RPS6KL1: variants seen among roughly 807,000 people sequenced by gnomAD.
RPS6KL1 encodes the protein ribosomal protein S6 kinase-like 1.
Under a neutral mutation model 57.0 loss-of-function variants are expected in RPS6KL1, and 41 were observed. The ratio of observed to expected loss-of-function variants is 0.72; its 90% confidence interval spans 0.56 to 0.93. The LOEUF is 0.93. RPS6KL1 is among the 40% of genes least tolerant of loss of function. The pLI is 0.00. For missense variants in RPS6KL1, 697 were observed against 727.7 expected (o/e 0.96, Z 0.49); for synonymous variants, 287 against 309.7 (o/e 0.93, Z 0.77).
chr14:74,907,793 G>A (rs1885173656), intron 10 of RPS6KL1, among the ~76,000 whole-genome samples: 1 of 152,222 alleles, frequency 6.6e-6, no homozygotes, highest in Non-Finnish European at 1.5e-5. Flanking sequence ...AAGCTTGCTA[G>A]AAGCAACTAT....
chr14:74,920,464 G>A lies in RPS6KL1; in HGVS notation c.266-495C>T, dbSNP rs530809036. ...TCAGCCAGAGGGCAGGAAGGGCCCA[G>A]TGCCCACCTCAAGGCCTGGCCACCA... On this transcript the variant is annotated intron_variant, in intron 3 of 11. Transcript: ENST00000557413. Among the ~76,000 whole-genome samples the A allele has an allele frequency of 2.6e-5, 4 of 152,150 alleles. No homozygotes were observed. In the East Asian group the frequency reaches 7.8e-4, roughly 30 times the overall value.
rs990691039 is a variant in RPS6KL1, at chr14:74,906,749, G to T, written c.*265C>A. On this transcript the variant is annotated 3_prime_UTR_variant, in exon 12 of 12. Transcript: ENST00000557413. The stretch of plus-strand genomic sequence containing the variant: ...AACATGGTGAGTCCACATGCTCAAC[G>T]GGTCTGTTGACTGATGGGTAGATGG... 7.9e-6 allele frequency: 5 copies of T among 635,248 alleles called. No individual in the cohort carries two copies. Among genetic ancestry groups the T allele is most frequent in the African/African-American group, 5.4e-5 (3 of 55,492 alleles). The allele number at this position is 635,248 out of a possible 1,614,324, so 39.4% of individuals were successfully genotyped here. A position where few individuals can be genotyped will look rare whatever the true frequency, so the allele number is the denominator to read the frequency against.
intron 2 of RPS6KL1, 77 bp from the exon 3 acceptor site, chr14:74,921,638 A>G: frequency 2.7e-6 from 4 of 1,496,344 alleles, no homozygotes; most frequent in Non-Finnish European, 2.7e-6. Context: ...CCTCCACTGA[A>G]TGTCAGGGAG....
At position 74,922,415 on chromosome 14, in the gene RPS6KL1, C is replaced by A; in HGVS notation, c.-458G>T. The A allele has an allele frequency of 5.4e-6, 5 of 922,708 alleles. No individual in the cohort carries two copies. Among genetic ancestry groups the A allele is most frequent in the Non-Finnish European group, 5.2e-6 (4 of 772,290 alleles). 57.2% of individuals were successfully genotyped at this position (922,708 alleles called of 1,614,324 possible). A position where few individuals can be genotyped will look rare whatever the true frequency, so the allele number is the denominator to read the frequency against. ...TGTTTTGTTCCCTTGGTCCTGAGGT[C>A]AGTGTGGTCAGCGAGTGAGGACCCC... On this transcript the variant is annotated 5_prime_UTR_variant, in exon 2 of 12. Transcript: ENST00000557413.
At chr14:74,919,452 G>C (rs545304906) in intron 4 of RPS6KL1, among the ~76,000 whole-genome samples, 1 of 152,328 alleles carries the variant, frequency 6.6e-6, no homozygotes, top group Admixed American at 6.5e-5. Flanking sequence ...TGCACACAAG[G>C]GTGTCGGGGT....
chr14:74,909,568 G>A lies in RPS6KL1; in HGVS notation c.1245C>T (p.Pro415=), dbSNP rs200092346. ...CTGCCTGGTCCAGGAGCAGGTTCCC[G>A]GGGTGGAGGTCCCGGCACAGCACCC... ...EQGVLCRDLH[P]GNLLLDQAGH... is the part of the protein sequence containing the mutation. The change falls in exon 8 of 12, where the codon CCC becomes CCT. Residue 415 remains proline, a synonymous_variant. Coordinates refer to ENST00000557413, the MANE Select transcript of RPS6KL1 (RefSeq NM_031464.5). 8.1e-5 allele frequency: 130 copies of A among 1,608,440 alleles called. No individual in the cohort carries two copies. The highest frequency in any genetic ancestry group is 5.1e-4 in the Middle Eastern group (3 of 5,930).
In RPS6KL1 at chr14:74,905,073, T is replaced by TATC. The variant is rs2140217390; in HGVS notation, c.*1938_*1940dup. ...TTGGTGTTAGAAGCTTTAATTTATC[T>TATC]ATCTGGTAAACCTGCAAAATAGGCA... On this transcript the variant is annotated 3_prime_UTR_variant, in exon 12 of 12. Transcript: ENST00000557413. 1 of 152,326 alleles carries TATC rather than the reference T, an allele frequency of 6.6e-6. No homozygotes were observed. Among genetic ancestry groups the TATC allele is most frequent in the African/African-American group, 2.4e-5 (1 of 41,558 alleles). 9.4% of individuals were successfully genotyped at this position (152,326 alleles called of 1,614,324 possible).
chr14:74,913,509 T>C (rs752771072), intron 5 of RPS6KL1, among the ~76,000 whole-genome samples: 4 of 152,074 alleles, frequency 2.6e-5, no homozygotes, highest in Admixed American at 6.6e-5. Context: ...TGAGCCTAGA[T>C]CAAGCCACTG....
Position 74,922,113 on chromosome 14 carries a change from C to T in RPS6KL1, c.-156G>A. 1 of 882,340 alleles carries T rather than the reference C, an allele frequency of 1.1e-6. No individual in the cohort carries two copies. The highest frequency in any genetic ancestry group is 1.4e-6 in the Non-Finnish European group (1 of 731,350). The allele number at this position is 882,340 out of a possible 1,614,324, so 54.7% of individuals were successfully genotyped here. A position where few individuals can be genotyped will look rare whatever the true frequency, so the allele number is the denominator to read the frequency against. Reference sequence around the variant, plus strand: ...TTTTCCTTTCCAGTCAAATTCAGTTCAGCAAACATTTCTGGAGCATCTGGT... The same window carrying T: ...TTTTCCTTTCCAGTCAAATTCAGTTTAGCAAACATTTCTGGAGCATCTGGT... On this transcript the variant is annotated 5_prime_UTR_variant, in exon 2 of 12. Coordinates refer to ENST00000557413, the MANE Select transcript of RPS6KL1 (RefSeq NM_031464.5).
rs769196458 is a variant in RPS6KL1, at chr14:74,909,526, G to A, written c.1270+17C>T. The A allele has an allele frequency of 5.7e-6, 9 of 1,575,332 alleles. No individual in the cohort carries two copies. Among genetic ancestry groups the A allele is most frequent in the Non-Finnish European group, 7.8e-6 (9 of 1,160,048 alleles). On this transcript the variant is annotated intron_variant, in intron 8 of 11. Transcript: ENST00000557413. Reference sequence around the variant, plus strand: ...GCTTTGGGGGCCACCCCACTGAGGGGTGAGGAGGGCACCTACCTGCCTGGT... The same window carrying A: ...GCTTTGGGGGCCACCCCACTGAGGGATGAGGAGGGCACCTACCTGCCTGGT...
At chr14:74,915,835 T>C (rs1886743335) in intron 5 of RPS6KL1, among the ~76,000 whole-genome samples, 1 of 152,190 alleles carries the variant, frequency 6.6e-6, no homozygotes, top group South Asian at 2.1e-4. Context: ...AAAACACCCC[T>C]GTGTTTAAGC....
chr14:74,910,051 G>C lies in RPS6KL1; in HGVS notation c.762C>G (p.Asn254Lys). The change falls in exon 8 of 12, where the codon AAC becomes AAG. Residue 254 changes from asparagine (N) to lysine (K), a missense_variant. Asn to Lys is a moderately conservative substitution (Grantham distance 94). Coordinates refer to ENST00000557413, the MANE Select transcript of RPS6KL1 (RefSeq NM_031464.5). ...CTGGGGTCAGGAGGTTGAGGTGGGG[G>C]TTGAGCTGAGCCTTCATCCTCTCCT... Reference protein sequence around the residue: ...STQERMKAQLNPHLNLLTPAR... With the variant: ...STQERMKAQLKPHLNLLTPAR... 1 of 1,612,540 alleles carries C rather than the reference G, an allele frequency of 6.2e-7. No individual in the cohort carries two copies. The highest frequency in any genetic ancestry group is 8.5e-7 in the Non-Finnish European group (1 of 1,179,602).
intron 10 of RPS6KL1, among the ~76,000 whole-genome samples, chr14:74,907,851 T>C (rs1400264025): frequency 2.6e-5 from 4 of 152,192 alleles, no homozygotes; most frequent in Non-Finnish European, 5.9e-5. Flanking sequence ...TGATGGAACT[T>C]GTCTCCTTAT....
chr14:74,914,900 C>T lies in RPS6KL1; in HGVS notation c.484-3059G>A, dbSNP rs1449000741. ...GCTAATTTTGTATTTTCAGTAGAGA[C>T]GGGGTTTCACCATGTTGGTCAGGCT... On this transcript the variant is annotated intron_variant, in intron 5 of 11. Transcript: ENST00000557413. Among the ~76,000 whole-genome samples the T allele has an allele frequency of 7.9e-5, 12 of 152,166 alleles. No homozygotes were observed. In the East Asian group the frequency reaches 1.5e-3, roughly 20 times the overall value.
At chr14:74,907,636 T>G (rs1246492972) in intron 10 of RPS6KL1, 106 bp from the exon 11 acceptor site, 1 of 1,019,980 alleles carries the variant, frequency 9.8e-7, no homozygotes, top group African/African-American at 1.6e-5. Flanking sequence ...ATGAGGAGGA[T>G]GACAATAATG....
intron 2 of RPS6KL1, 72 bp downstream of exon 2, chr14:74,921,906 T>C: frequency 9.4e-6 from 3 of 318,198 alleles, no homozygotes; most frequent in Non-Finnish European, 1.6e-5. Context: ...GCATCCCAAG[T>C]AGCTGGGATT....
At position 74,910,965 on chromosome 14, in the gene RPS6KL1, G is replaced by A. The variant is rs867771657; in HGVS notation, c.664+283C>T. On this transcript the variant is annotated intron_variant, in intron 7 of 11. Coordinates refer to ENST00000557413, the MANE Select transcript of RPS6KL1 (RefSeq NM_031464.5). Reference sequence around the variant, plus strand: ...TGGCTCACTGCAACCTCCACCTCCCGGGTTCAAGCCATTCTCCTGCCTCCA... The same window carrying A: ...TGGCTCACTGCAACCTCCACCTCCCAGGTTCAAGCCATTCTCCTGCCTCCA... 33 of 344,288 alleles carry A rather than the reference G, an allele frequency of 9.6e-5. 1 individual carries two copies. The highest frequency in any genetic ancestry group is 6.1e-4 in the African/African-American group (28 of 45,760). 21.3% of individuals were successfully genotyped at this position (344,288 alleles called of 1,614,324 possible). A position where few individuals can be genotyped will look rare whatever the true frequency, so the allele number is the denominator to read the frequency against.
chr14:74,921,097 C>T (rs900876740), intron 3 of RPS6KL1, among the ~76,000 whole-genome samples, 180 bp downstream of exon 3: 11 of 152,252 alleles, frequency 7.2e-5, no homozygotes, highest in African/African-American at 2.7e-4. Context: ...TAGTACCTGG[C>T]ATGTAGAAAC....
chr14:74,909,263 T>A, intron 8 of RPS6KL1, 73 bp from the exon 9 acceptor site: 1 of 1,424,148 alleles, frequency 7.0e-7, no homozygotes, highest in Non-Finnish European at 9.9e-7. Flanking sequence ...TTGCAGGGCT[T>A]CCCCCAACAG....
Sources: allele counts gnomAD v4.1 joint callset (sites outside exome capture counted in the v4.1 genomes callset), GRCh38; gene constraint gnomAD v4.1.1; transcripts MANE v1.5; gene names NCBI Gene and HGNC (gene_info 2026-07-23, HGNC 2026-07-21).